NR2C2: variants seen among roughly 807,000 people sequenced by gnomAD.
NR2C2 encodes nuclear receptor subfamily 2 group C member 2, also known as Nuclear hormone receptor TR4.
Under a neutral mutation model 62.9 loss-of-function variants are expected in NR2C2, and 6 were observed. The ratio of observed to expected loss-of-function variants is 0.10; its 90% CI spans 0.05 to 0.19. NR2C2 has a LOEUF of 0.19. Ranked by LOEUF, NR2C2 falls within the 10% of genes least tolerant of loss-of-function variation. The pLI is 1.00. For synonymous variants in NR2C2, 272 were observed against 273.8 expected (o/e 0.99, Z 0.07); for missense variants, 479 against 762.7 (o/e 0.63, Z 4.38).
intron 1 of NR2C2, among the ~76,000 whole-genome samples, chr3:14,966,020 G>T (rs1280513993): frequency 6.6e-6 from 1 of 152,078 alleles, no homozygotes; most frequent in Non-Finnish European, 1.5e-5. Context: ...TTGAATTTTT[G>T]AGCTTAGTAA....
chr3:15,036,264 C>T (rs1191657081), intron 11 of NR2C2, among the ~76,000 whole-genome samples: 3 of 151,996 alleles, frequency 2.0e-5, no homozygotes, highest in East Asian at 1.9e-4. Flanking sequence ...ACGTACCTCA[C>T]CCAGGCTGCT....
chr3:15,014,384 C>T (rs913131449), intron 3 of NR2C2, among the ~76,000 whole-genome samples: 1 of 152,096 alleles, frequency 6.6e-6, no homozygotes, highest in South Asian at 2.1e-4. Flanking sequence ...ATAGAATCTC[C>T]AAACCCAACA....
chr3:14,955,705 A>C (rs77383534), intron 1 of NR2C2, among the ~76,000 whole-genome samples: 2,412 of 152,290 alleles, frequency 0.016, 67 homozygotes, highest in African/African-American at 0.054. Flanking sequence ...TGTGGATGTC[A>C]AGAGAATTTA....
At chr3:14,966,258 A>T (rs1401288570) in intron 1 of NR2C2, among the ~76,000 whole-genome samples, 2 of 152,222 alleles carry the variant, frequency 1.3e-5, no homozygotes, top group Admixed American at 1.3e-4. Context: ...GGTGGATAAT[A>T]GGACAGGGCT....
chr3:15,037,940 A>G lies in NR2C2; in HGVS notation c.1373-60A>G, dbSNP rs763015689. 4.9e-5 allele frequency: 75 copies of G among 1,530,928 alleles called. No individual in the cohort carries two copies. In the African/African-American group the frequency reaches 8.1e-4, roughly 17 times the overall value. The allele number at this position is 1,530,928 out of a possible 1,614,324, so 94.8% of individuals were successfully genotyped here. On this transcript the variant is annotated intron_variant, in intron 11 of 13. Coordinates refer to ENST00000425241, the MANE Select transcript of NR2C2 (RefSeq NM_001291694.2). ...ATTTCTTTCCATATGTGGCCCCTCA[A>G]ATAAGCTGGTTTTATTGTTCTTACC...
At position 15,039,147 on chromosome 3, in the gene NR2C2, C is replaced by A. The variant is rs776628569; in HGVS notation, c.1536C>A (p.Ser512Arg). ...ATCATCCAGGTTTGACCAGCACAAGCCAGATTGAAAAATTCCAAGAAAAGG... is the reference window on the plus strand; with the variant it reads ...ATCATCCAGGTTTGACCAGCACAAGACAGATTGAAAAATTCCAAGAAAAGG... ...SPDHPGLTST[S>R]QIEKFQEKAQ... Residue 512 changes from serine (S) to arginine (R), a missense_variant, in exon 13 of 14, where the codon AGC becomes AGA. Physicochemically the swap from Ser to Arg is moderately radical, Grantham distance 110. This residue lies in a region of NR2C2 where 162 missense variants were observed against 296.8 expected (regional missense o/e 0.55). Transcript: ENST00000425241. The A allele has an allele frequency of 1.9e-6, 3 of 1,613,892 alleles. No individual in the cohort carries two copies. In the Admixed American group the frequency reaches 5.0e-5, roughly 27 times the overall value.
chr3:15,024,485 T>C (rs76791637), intron 7 of NR2C2, among the ~76,000 whole-genome samples: 2,480 of 152,308 alleles, frequency 0.016, 60 homozygotes, highest in African/African-American at 0.056. Flanking sequence ...TGTTATAGTT[T>C]TCTTTTTCTC....
intron 1 of NR2C2, among the ~76,000 whole-genome samples, chr3:14,988,531 A>G (rs572072447): frequency 3.3e-5 from 5 of 152,368 alleles, no homozygotes; most frequent in African/African-American, 1.2e-4. Flanking sequence ...ATGAAGGACC[A>G]GATCTCTTGA....
At chr3:14,995,309 C>T (rs1262809448) in intron 1 of NR2C2, among the ~76,000 whole-genome samples, 1 of 144,128 alleles carries the variant, frequency 6.9e-6, no homozygotes, top group African/African-American at 2.6e-5. Context: ...AGAACATTTT[C>T]TTTACCCCCT....
At chr3:14,987,518 GTTTTT>G (rs899014737) in intron 1 of NR2C2, among the ~76,000 whole-genome samples, 1 of 151,986 alleles carries the variant, frequency 6.6e-6, no homozygotes, top group African/African-American at 2.4e-5. Flanking sequence ...GTATTTGAAA[GTTTTT>G]TTTAATTATA....
chr3:14,989,293 C>G (rs912175583), intron 1 of NR2C2, among the ~76,000 whole-genome samples: 1 of 152,174 alleles, frequency 6.6e-6, no homozygotes, highest in Non-Finnish European at 1.5e-5. Flanking sequence ...TTCATTTGCT[C>G]TGACTACATT....
chr3:14,966,667 A>G (rs1209239025), intron 1 of NR2C2, among the ~76,000 whole-genome samples: 1 of 152,240 alleles, frequency 6.6e-6, no homozygotes, highest in Non-Finnish European at 1.5e-5. Context: ...ATTGTGGATT[A>G]TGTAAATGAT....
Position 15,034,692 on chromosome 3 carries a change from G to A in NR2C2, c.1255G>A (p.Val419Met). Residue 419 changes from valine to methionine, a missense_variant, in exon 11 of 14, where the codon GTG becomes ATG. By Grantham distance (21) the Val-to-Met change is conservative. Around this residue, in one of 4 missense-constraint regions of NR2C2, gnomAD observed 162 missense variants for 296.8 expected, o/e 0.55. Coordinates refer to ENST00000425241, the MANE Select transcript of NR2C2 (RefSeq NM_001291694.2). ...TAGGCAGGACTGCAACACCAGCCTTGTGCGGGCCTGCTGGAATGAGCTCTT... is the reference window on the plus strand; with the variant it reads ...TAGGCAGGACTGCAACACCAGCCTTATGCGGGCCTGCTGGAATGAGCTCTT... The part of the protein sequence containing the change: ...ALGQDCNTSL[V>M]RACWNELFTL... 6.2e-7 allele frequency: 1 copy of A among 1,614,144 alleles called. No homozygotes were observed. Among genetic ancestry groups the A allele is most frequent in the Non-Finnish European group, 8.5e-7 (1 of 1,180,018 alleles).
At chr3:14,991,346 G>A (rs554466085) in intron 1 of NR2C2, among the ~76,000 whole-genome samples, 5 of 152,284 alleles carry the variant, frequency 3.3e-5, no homozygotes, top group African/African-American at 7.2e-5. Context: ...GATTCTTCTC[G>A]CTGATGCAAG....
chr3:14,953,580 C>T (rs535059388), intron 1 of NR2C2, among the ~76,000 whole-genome samples: 47 of 152,186 alleles, frequency 3.1e-4, no homozygotes, highest in Non-Finnish European at 6.5e-4. Context: ...CCTGACTGCC[C>T]ACCCATGTTC....
In NR2C2 at chr3:14,947,925, C is replaced by T. The variant is rs1037183641; in HGVS notation, c.-40+19C>T. 22 of 150,790 alleles carry T rather than the reference C, an allele frequency of 1.5e-4. No individual in the cohort carries two copies. The highest frequency in any genetic ancestry group is 2.7e-4 in the Non-Finnish European group (18 of 67,560). 9.3% of individuals were successfully genotyped at this position (150,790 alleles called of 1,614,324 possible). A position where few individuals can be genotyped will look rare whatever the true frequency, so the allele number is the denominator to read the frequency against. ...TCCTGAGGTAAAATTGAAAGAGGGTCGGGCGGGCTCGGGCCGGCGGCGGAG... is the reference window on the plus strand; with the variant it reads ...TCCTGAGGTAAAATTGAAAGAGGGTTGGGCGGGCTCGGGCCGGCGGCGGAG... On this transcript the variant is annotated intron_variant, in intron 1 of 13. Transcript: ENST00000425241.
intron 1 of NR2C2, among the ~76,000 whole-genome samples, chr3:14,981,602 CAAAAAAAAAAA>C (rs927608192): frequency 8.5e-4 from 32 of 37,672 alleles, no homozygotes; most frequent in Non-Finnish European, 1.1e-3. Context: ...GGCTCTGTCT[CAAAAAAAAAAA>C]AAAAAAAAAA....
intron 2 of NR2C2, among the ~76,000 whole-genome samples, chr3:15,006,139 T>A (rs757260473): frequency 6.6e-6 from 1 of 152,058 alleles, no homozygotes; most frequent in African/African-American, 2.4e-5. Flanking sequence ...CCCAGGAGGT[T>A]GAGGCTGCAG....
Position 15,043,786 on chromosome 3 carries a change from C to G in NR2C2, c.*778C>G, listed in dbSNP as rs1181161044. The G allele has an allele frequency of 1.3e-5, 2 of 152,256 alleles. No homozygotes were observed. Among genetic ancestry groups the G allele is most frequent in the Non-Finnish European group, 2.9e-5 (2 of 68,060 alleles). 9.4% of individuals were successfully genotyped at this position (152,256 alleles called of 1,614,324 possible). A position where few individuals can be genotyped will look rare whatever the true frequency, so the allele number is the denominator to read the frequency against. ...CTCTGATGGGCATCTGCAGACTCCT[C>G]TAGAACCTGGGGTTCTCCTTTGATG... On this transcript the variant is annotated 3_prime_UTR_variant, in exon 14 of 14. Transcript: ENST00000425241.
Sources: allele counts gnomAD v4.1 joint callset (sites outside exome capture counted in the v4.1 genomes callset), GRCh38; gene constraint gnomAD v4.1.1; regional missense constraint gnomAD v4.1.1; transcripts MANE v1.5; gene names NCBI Gene and HGNC (gene_info 2026-07-23, HGNC 2026-07-21).